The following SPAG16 variants were observed in gnomAD, a reference collection of about 807,000 sequenced individuals.
SPAG16 encodes sperm-associated antigen 16 protein.
In SPAG16, 86 loss-of-function variants were observed where a neutral mutation model predicts 80.4. That is an observed-to-expected ratio of 1.07 (90% CI 0.90 to 1.28). SPAG16 has a LOEUF of 1.28. SPAG16 is among the 50% of genes most tolerant of loss of function. The pLI is 0.00. For synonymous variants in SPAG16, 294 were observed against 265.9 expected, an observed-to-expected ratio of 1.11 and a Z score of -1.03; for missense variants, 870 against 765.3, an observed-to-expected ratio of 1.14 and a Z score of -1.61.
chr2:213,678,305 C>T (rs2064200608), intron 10 of SPAG16, among the ~76,000 whole-genome samples: 1 of 151,584 alleles, frequency 6.6e-6, no homozygotes, highest in African/African-American at 2.4e-5. Flanking sequence ...ACAAAAAACC[C>T]TTCAAAAAAT....
intron 10 of SPAG16, among the ~76,000 whole-genome samples, chr2:213,749,019 C>T (rs971508551): frequency 2.6e-5 from 4 of 151,826 alleles, no homozygotes; most frequent in South Asian, 2.1e-4. Context: ...TGGTGGCGGG[C>T]GCCTGTAGTC....
At chr2:214,251,130 C>T (rs1690263013) in intron 15 of SPAG16, among the ~76,000 whole-genome samples, 2 of 151,484 alleles carry the variant, frequency 1.3e-5, no homozygotes, top group Admixed American at 6.6e-5. Flanking sequence ...TGATAAGTTA[C>T]TATGTATATT....
At position 214,394,792 on chromosome 2, in the gene SPAG16, G is replaced by A. The variant is rs114900338; in HGVS notation, c.1721-15348G>A. ...TGGATTTGGACAAACGTATAATGACGTATATCCATCATGATACTATGGTAT... is the reference window on the plus strand; with the variant it reads ...TGGATTTGGACAAACGTATAATGACATATATCCATCATGATACTATGGTAT... On this transcript the variant is annotated intron_variant, in intron 15 of 15. Coordinates refer to ENST00000331683, the MANE Select transcript of SPAG16 (RefSeq NM_024532.5). 2.2e-3 allele frequency among the ~76,000 whole-genome samples: 335 copies of A among 152,180 alleles called. 1 individual carries two copies. The highest frequency in any genetic ancestry group is 7.5e-3 in the African/African-American group (313 of 41,510).
At chr2:213,664,806 T>C (rs901569332) in intron 10 of SPAG16, among the ~76,000 whole-genome samples, 1 of 148,528 alleles carries the variant, frequency 6.7e-6, no homozygotes, top group African/African-American at 2.5e-5. Context: ...ACTTCATATA[T>C]GTGTGTGTCT....
chr2:213,517,232 C>G (rs1335038165), intron 10 of SPAG16, among the ~76,000 whole-genome samples: 2 of 152,086 alleles, frequency 1.3e-5, no homozygotes, highest in African/African-American at 4.8e-5. Context: ...AAACAAAATA[C>G]TTAGGAATAC....
intron 12 of SPAG16, 84 bp from the exon 13 acceptor site, chr2:214,013,867 C>T: frequency 7.4e-6 from 10 of 1,353,442 alleles, no homozygotes; most frequent in South Asian, 1.8e-5. Context: ...TATTTCATGC[C>T]TCAGTTCCTT....
chr2:214,333,189 T>C (rs1697047793), intron 15 of SPAG16, among the ~76,000 whole-genome samples: 1 of 152,198 alleles, frequency 6.6e-6, no homozygotes. Context: ...GACTCAAGTC[T>C]GGTTAGTTAG....
At chr2:213,344,551 C>T (rs1196639900) in intron 6 of SPAG16, among the ~76,000 whole-genome samples, 2 of 152,084 alleles carry the variant, frequency 1.3e-5, no homozygotes, top group Non-Finnish European at 2.9e-5. Context: ...CACAACAGGC[C>T]CCGGTATGTG....
intron 10 of SPAG16, among the ~76,000 whole-genome samples, chr2:213,502,274 C>A (rs1204325644): frequency 7.9e-5 from 12 of 151,928 alleles, no homozygotes; most frequent in Non-Finnish European, 1.5e-5. Flanking sequence ...CACTGGCATG[C>A]ACCAGCTATT....
intron 9 of SPAG16, among the ~76,000 whole-genome samples, chr2:213,387,429 CTCTTTTTTTTT>C (rs1340275654): frequency 2.0e-4 from 14 of 71,772 alleles, no homozygotes; most frequent in Admixed American, 1.1e-3. Flanking sequence ...GAAATGCATG[CTCTTTTTTTTT>C]TTTTTTTTTT....
intron 4 of SPAG16, among the ~76,000 whole-genome samples, chr2:213,312,604 G>A (rs1392420900): frequency 6.6e-6 from 1 of 150,486 alleles, no homozygotes; most frequent in Non-Finnish European, 1.5e-5. Flanking sequence ...TTTTTACTTC[G>A]TATTCAACAC....
intron 10 of SPAG16, among the ~76,000 whole-genome samples, chr2:213,738,738 C>A (rs1423217679): frequency 6.6e-6 from 1 of 152,152 alleles, no homozygotes; most frequent in African/African-American, 2.4e-5. Context: ...ATGCTGTTCA[C>A]CAATTATTTC....
chr2:213,626,493 T>C (rs1235731014), intron 10 of SPAG16, among the ~76,000 whole-genome samples: 2 of 152,222 alleles, frequency 1.3e-5, no homozygotes, highest in Admixed American at 6.5e-5. Context: ...GAAAAATATA[T>C]ATAACATTAG....
At chr2:213,871,321 C>T (rs2075936457) in intron 11 of SPAG16, among the ~76,000 whole-genome samples, 1 of 151,918 alleles carries the variant, frequency 6.6e-6, no homozygotes, top group Admixed American at 6.6e-5. Flanking sequence ...TTAAAATCCA[C>T]TTTTTTGGAA....
chr2:213,839,795 A>G (rs1174142810), intron 10 of SPAG16, among the ~76,000 whole-genome samples: 5 of 152,140 alleles, frequency 3.3e-5, no homozygotes, highest in Admixed American at 6.6e-5. Context: ...ACAATCCTAT[A>G]GTGGGGAATT....
chr2:213,581,656 G>T (rs982653832), intron 10 of SPAG16, among the ~76,000 whole-genome samples: 4 of 152,066 alleles, frequency 2.6e-5, no homozygotes, highest in Non-Finnish European at 5.9e-5. Context: ...AGAGCCAGTG[G>T]ATCTCTAGGG....
chr2:214,322,497 C>A (rs1696167737), intron 15 of SPAG16, among the ~76,000 whole-genome samples: 1 of 125,464 alleles, frequency 8.0e-6, no homozygotes, highest in Non-Finnish European at 1.8e-5. Flanking sequence ...TACAGAAATG[C>A]CTCACCTTAG....
At chr2:214,002,373 G>T (rs2046832792) in intron 12 of SPAG16, among the ~76,000 whole-genome samples, 1 of 152,078 alleles carries the variant, frequency 6.6e-6, no homozygotes, top group Non-Finnish European at 1.5e-5. Context: ...AAGGCAAGGG[G>T]AACTCAAGTG....
chr2:213,640,567 G>A (rs1379446804), intron 10 of SPAG16, among the ~76,000 whole-genome samples: 8 of 152,130 alleles, frequency 5.3e-5, no homozygotes, highest in African/African-American at 1.7e-4. Flanking sequence ...CTGATACTGG[G>A]GAGTGTCTGC....
Sources: allele counts gnomAD v4.1 joint callset (sites outside exome capture counted in the v4.1 genomes callset), GRCh38; gene constraint gnomAD v4.1.1; transcripts MANE v1.5; gene names NCBI Gene and HGNC (gene_info 2026-07-23, HGNC 2026-07-21).